LGSN: variants seen among roughly 807,000 people sequenced by gnomAD.
LGSN encodes the protein lengsin.
A neutral mutation model predicts 19.5 loss-of-function variants in LGSN; 21 were observed. The ratio of observed to expected loss-of-function variants is 1.07; its 90% CI spans 0.76 to 1.55. The LOEUF is 1.55. Ranked by LOEUF, LGSN falls within the 40% of genes most tolerant of loss-of-function variation. LGSN has a pLI of 0.00. For missense variants in LGSN, 673 were observed against 608.5 expected (o/e 1.11, Z -1.12); for synonymous variants, 257 against 215.6 (o/e 1.19, Z -1.68).
chr6:63,451,030 T>C, the LGSN span, among the ~76,000 whole-genome samples: 48 of 152,230 alleles, frequency 3.2e-4, no homozygotes, highest in African/African-American at 1.1e-3. Flanking sequence ...CTTTTTTATG[T>C]CTAGTAATAC....
chr6:63,402,407 GA>G, the LGSN span, among the ~76,000 whole-genome samples: 13,110 of 152,134 alleles, frequency 0.086, 1,048 homozygotes, highest in African/African-American at 0.22. Context: ...TGACATCCAA[GA>G]TAGATAAGGA....
chr6:63,312,169 A>T (rs965108301), intron 1 of LGSN, among the ~76,000 whole-genome samples: 1 of 152,190 alleles, frequency 6.6e-6, no homozygotes, highest in Non-Finnish European at 1.5e-5. Context: ...CATTGTGTAT[A>T]TATATCACTT....
the LGSN span, among the ~76,000 whole-genome samples, chr6:63,439,178 G>C: frequency 6.6e-6 from 1 of 152,018 alleles, no homozygotes; most frequent in Non-Finnish European, 1.5e-5. Context: ...CACAGGAAGG[G>C]GAACATCACA....
the LGSN span, among the ~76,000 whole-genome samples, chr6:63,515,017 T>A: frequency 6.6e-6 from 1 of 152,106 alleles, no homozygotes; most frequent in Non-Finnish European, 1.5e-5. Context: ...CTTGTTTGTT[T>A]TTTGAGACAA....
At position 63,294,838 on chromosome 6, in the gene LGSN, G is replaced by A. The variant is rs1404831957; in HGVS notation, c.163+75C>T. ...CTTCTCCCAAAAAAGAAATGAAGAT[G>A]TTTTATGAAAAGAAAGACCAAATGG... On this transcript the variant is annotated intron_variant, in intron 2 of 3. Coordinates refer to ENST00000370657, the MANE Select transcript of LGSN (RefSeq NM_016571.3). 5 of 1,431,832 alleles carry A rather than the reference G, an allele frequency of 3.5e-6. No homozygotes were observed. The African/African-American group carries it at 4.3e-5, about 12-fold the overall frequency. 88.7% of individuals were successfully genotyped at this position (1,431,832 alleles called of 1,614,324 possible).
chr6:63,396,864 T>C, the LGSN span: 1 of 152,878 alleles, frequency 6.5e-6, no homozygotes, highest in African/African-American at 2.4e-5. Context: ...AGCATGTGTA[T>C]GGGGGAAGGG....
At chr6:63,413,486 A>G in the LGSN span, among the ~76,000 whole-genome samples, 7 of 152,304 alleles carry the variant, frequency 4.6e-5, no homozygotes, top group Admixed American at 3.3e-4. Flanking sequence ...GTGACTGATG[A>G]CATTGCTTTA....
At chr6:63,336,517 A>ATC in the LGSN span, among the ~76,000 whole-genome samples, 1 of 131,834 alleles carries the variant, frequency 7.6e-6, no homozygotes, top group African/African-American at 3.0e-5. Flanking sequence ...CCTATAGAAT[A>ATC]TCTGTGTGTG....
At chr6:63,284,856 G>T (rs1017046006) in intron 3 of LGSN, among the ~76,000 whole-genome samples, 12 of 152,112 alleles carry the variant, frequency 7.9e-5, no homozygotes, top group Non-Finnish European at 1.8e-4. Flanking sequence ...TTAAAAATTA[G>T]AATCTGATGT....
At chr6:63,516,438 G>A in the LGSN span, among the ~76,000 whole-genome samples, 1 of 152,198 alleles carries the variant, frequency 6.6e-6, no homozygotes, top group African/African-American at 2.4e-5. Flanking sequence ...CTGTTTTACG[G>A]TAGAAGCACT....
At chr6:63,318,883 T>C (rs1768971951) in intron 1 of LGSN, among the ~76,000 whole-genome samples, 1 of 152,200 alleles carries the variant, frequency 6.6e-6, no homozygotes, top group African/African-American at 2.4e-5. Context: ...GCTAATTACC[T>C]TTACTTTCTT....
the LGSN span, among the ~76,000 whole-genome samples, chr6:63,450,619 G>C: frequency 6.7e-6 from 1 of 150,096 alleles, no homozygotes; most frequent in African/African-American, 2.4e-5. Context: ...TGAACATAAA[G>C]GTAAATAAAA....
the LGSN span, among the ~76,000 whole-genome samples, chr6:63,434,177 G>C: frequency 9.1e-4 from 139 of 152,248 alleles, 1 homozygote; most frequent in Admixed American, 4.8e-3. Context: ...AGTGGCTCAC[G>C]TCTGTAATCC....
chr6:63,314,014 C>T (rs1768741490), intron 1 of LGSN, among the ~76,000 whole-genome samples: 1 of 151,818 alleles, frequency 6.6e-6, no homozygotes, highest in African/African-American at 2.4e-5. Context: ...AAGATGGAAT[C>T]TGGGATTGAA....
chr6:63,496,691 C>T, the LGSN span, among the ~76,000 whole-genome samples: 1 of 150,726 alleles, frequency 6.6e-6, no homozygotes, highest in Non-Finnish European at 1.5e-5. Flanking sequence ...TGAGCTCAGC[C>T]ATCCTCCCAT....
chr6:63,358,415 C>T, the LGSN span, among the ~76,000 whole-genome samples: 5 of 152,270 alleles, frequency 3.3e-5, no homozygotes, highest in South Asian at 2.1e-4. Context: ...CTATAAATTA[C>T]CTTGGGCAGT....
In LGSN at chr6:63,281,012, A is replaced by C; in HGVS notation, c.539T>G (p.Leu180Arg). ...CDTFTVTGEP[L>R]LTSPRYIAKR... ...TGCAATGTACCTTGGGGAAGTCAAAAGAGGCTCACCAGTCACAGTGAAGGT... is the reference window on the plus strand; with the variant it reads ...TGCAATGTACCTTGGGGAAGTCAAACGAGGCTCACCAGTCACAGTGAAGGT... The change falls in exon 4 of 4, where the codon CTT (leucine) becomes CGT (arginine). Residue 180 changes from leucine (L) to arginine (R), a missense_variant. Physicochemically the swap from Leu to Arg is moderately radical, Grantham distance 102. Transcript: ENST00000370657. 1 of 1,614,148 alleles carries C rather than the reference A, an allele frequency of 6.2e-7. No homozygotes were observed. The highest frequency in any genetic ancestry group is 1.1e-5 in the South Asian group (1 of 91,068).
the LGSN span, among the ~76,000 whole-genome samples, chr6:63,360,048 G>A: frequency 6.6e-6 from 1 of 152,174 alleles, no homozygotes; most frequent in South Asian, 2.1e-4. Context: ...AGTCTGACGG[G>A]CTTCCCTTTG....
At chr6:63,499,618 G>T in the LGSN span, among the ~76,000 whole-genome samples, 1 of 152,000 alleles carries the variant, frequency 6.6e-6, no homozygotes, top group Non-Finnish European at 1.5e-5. Context: ...CTTCATAACT[G>T]CAGCAGCAAT....
Sources: allele counts gnomAD v4.1 joint callset (sites outside exome capture counted in the v4.1 genomes callset), GRCh38; gene constraint gnomAD v4.1.1; transcripts MANE v1.5; gene names NCBI Gene and HGNC (gene_info 2026-07-23, HGNC 2026-07-21).